PC: variants seen among roughly 807,000 people sequenced by gnomAD.
PC encodes the protein pyruvate carboxylase, mitochondrial.
PC carries 46 observed loss-of-function variants against 107.8 expected under a neutral mutation model. That is an observed-to-expected ratio of 0.43 (90% CI 0.34 to 0.55). The LOEUF (loss-of-function observed/expected upper bound fraction) is 0.55, where lower values mean the gene tolerates loss of function less well. PC is among the 20% of genes least tolerant of loss of function. The pLI is 0.04. For synonymous variants in PC, 662 were observed against 684.7 expected (o/e 0.97, Z 0.52); for missense variants, 1,241 against 1,643.1 (o/e 0.76, Z 4.23).
intron 12 of PC, chr11:66,860,242 C>A: frequency 6.5e-7 from 1 of 1,538,218 alleles, no homozygotes; most frequent in Non-Finnish European, 8.7e-7. Flanking sequence ...CCTCGTGGGG[C>A]AGAGGGCCCG....
chr11:66,931,705 G>C (rs1430810900), intron 3 of PC, among the ~76,000 whole-genome samples: 1 of 152,142 alleles, frequency 6.6e-6, no homozygotes, highest in East Asian at 1.9e-4. Flanking sequence ...AAAGGGCACA[G>C]GAGAAACAAA....
rs1463635085 is a variant in PC, at chr11:66,954,303, T to C, written c.-94A>G. On this transcript the variant is annotated 5_prime_UTR_variant, in exon 2 of 23. Transcript: ENST00000393960. ...ACAGGTGGAATCATATTAGAGAGTC[T>C]TGAACGCCAAGATGAAGCAAGCTTT... 6.6e-6 allele frequency: 1 copy of C among 152,196 alleles called. No individual in the cohort carries two copies. The highest frequency in any genetic ancestry group is 2.4e-5 in the African/African-American group (1 of 41,428). 9.4% of individuals were successfully genotyped at this position (152,196 alleles called of 1,614,324 possible). A position where few individuals can be genotyped will look rare whatever the true frequency, so the allele number is the denominator to read the frequency against.
rs114688440 is a variant in PC, at chr11:66,893,753, A to G, written c.1-21594T>C. Among the ~76,000 whole-genome samples the G allele has an allele frequency of 9.1e-3, 1,388 of 152,018 alleles. 26 individuals carry two copies. Among genetic ancestry groups the G allele is most frequent in the African/African-American group, 0.031 (1,284 of 41,386 alleles). On this transcript the variant is annotated intron_variant, in intron 3 of 22. Transcript: ENST00000393960. ...AATCACGCTTTTTGGTGGACATGGC[A>G]AATGCCTATTCTATAGCAGAACTTA...
At chr11:66,955,829 G>A (rs545007304) in intron 1 of PC, among the ~76,000 whole-genome samples, 3 of 151,700 alleles carry the variant, frequency 2.0e-5, no homozygotes, top group South Asian at 4.2e-4. Flanking sequence ...CTGGAGTGCA[G>A]GGGCGTGATC....
chr11:66,954,851 G>C (rs1441075959), intron 1 of PC, among the ~76,000 whole-genome samples: 1 of 152,038 alleles, frequency 6.6e-6, no homozygotes, highest in South Asian at 2.1e-4. Flanking sequence ...GCTGAGGCAG[G>C]AGAATCACTT....
Position 66,866,628 on chromosome 11 carries a change from G to A in PC, c.1023-279C>T, listed in dbSNP as rs1307693145. Reference sequence around the variant, plus strand: ...ACCTGCTCCTGCATTCCTGACTCACGGTGCCGTCCACACAGCCCTAAGCTG... The same window carrying A: ...ACCTGCTCCTGCATTCCTGACTCACAGTGCCGTCCACACAGCCCTAAGCTG... On this transcript the variant is annotated intron_variant, in intron 10 of 22. Coordinates refer to ENST00000393960, the MANE Select transcript of PC (RefSeq NM_001040716.2). The surrounding 1 kb of genome is among the most constrained non-coding windows in gnomAD (Gnocchi z 5.4). Among the ~76,000 whole-genome samples the A allele has an allele frequency of 2.6e-5, 4 of 152,226 alleles. No homozygotes were observed. The highest frequency in any genetic ancestry group is 6.5e-5 in the Admixed American group (1 of 15,296).
Position 66,857,427 on chromosome 11 carries a change from G to A in PC, c.1369-4044C>T, listed in dbSNP as rs1019967358. The A allele has an allele frequency of 3.2e-6, 1 of 312,752 alleles. No homozygotes were observed. The highest frequency in any genetic ancestry group is 5.8e-6 in the Non-Finnish European group (1 of 170,996). The allele number at this position is 312,752 out of a possible 1,614,324, so 19.4% of individuals were successfully genotyped here. On this transcript the variant is annotated intron_variant, in intron 12 of 22. Coordinates refer to ENST00000393960, the MANE Select transcript of PC (RefSeq NM_001040716.2). This position sits in a 1 kb window ranked among gnomAD's most constrained non-coding sequence, Gnocchi z 7.1. ...AGTGGGGAGGCGGCTGGCGATTCCT[G>A]GGGACGCCTGGGAAAGGAAGTTCCG...
At chr11:66,927,320 A>G (rs1254456161) in intron 3 of PC, among the ~76,000 whole-genome samples, 1 of 149,986 alleles carries the variant, frequency 6.7e-6, no homozygotes, top group Admixed American at 6.8e-5. Context: ...TCCCAGCCAC[A>G]CCAGTGTACT....
intron 3 of PC, among the ~76,000 whole-genome samples, chr11:66,880,050 G>A (rs925795417): frequency 1.1e-4 from 16 of 152,138 alleles, no homozygotes; most frequent in Admixed American, 6.5e-5. Flanking sequence ...TGCCAGGCAC[G>A]GATGGGGCCC....
Position 66,858,124 on chromosome 11 carries a change from T to G in PC, c.1369-4741A>C. On this transcript the variant is annotated intron_variant, in intron 12 of 22. Transcript: ENST00000393960. This position sits in a 1 kb window ranked among gnomAD's most constrained non-coding sequence, Gnocchi z 5.9. ...CCCGTCAATCTGCAGCACCTCATCC[T>G]CAGCGGCAACCAGCTGGGCCGCATC... 6.2e-7 allele frequency: 1 copy of G among 1,610,738 alleles called. No homozygotes were observed. Among genetic ancestry groups the G allele is most frequent in the Non-Finnish European group, 8.5e-7 (1 of 1,178,868 alleles).
intron 3 of PC, among the ~76,000 whole-genome samples, chr11:66,910,179 C>T (rs1948294193): frequency 6.6e-6 from 1 of 152,270 alleles, no homozygotes; most frequent in African/African-American, 2.4e-5. Flanking sequence ...ACGAGTCGCT[C>T]ACATGCTCAA....
chr11:66,893,388 C>T (rs910972106), intron 3 of PC, among the ~76,000 whole-genome samples: 1 of 152,132 alleles, frequency 6.6e-6, no homozygotes, highest in African/African-American at 2.4e-5. Context: ...AGTCGCTTCT[C>T]CACTCTCCCT....
At chr11:66,876,327 G>A (rs935004020) in intron 3 of PC, among the ~76,000 whole-genome samples, 1 of 152,212 alleles carries the variant, frequency 6.6e-6, no homozygotes, top group African/African-American at 2.4e-5. Context: ...CCACTCACAT[G>A]GTTCAGGGAA....
intron 12 of PC, among the ~76,000 whole-genome samples, chr11:66,855,614 G>A (rs1945759474): frequency 6.6e-6 from 1 of 152,140 alleles, no homozygotes; most frequent in Non-Finnish European, 1.5e-5. Flanking sequence ...CATTTTTGAT[G>A]GGGAGAAGAG....
At chr11:66,861,859 C>T (rs1364589747) in intron 12 of PC, among the ~76,000 whole-genome samples, 2 of 152,136 alleles carry the variant, frequency 1.3e-5, no homozygotes, top group East Asian at 1.9e-4. Context: ...GGGCGGGGGA[C>T]GGTCTAAAGA....
chr11:66,852,385 G>A lies in PC; in HGVS notation c.1825+54C>T, dbSNP rs1945552094. 1.8e-5 allele frequency: 25 copies of A among 1,408,716 alleles called. No homozygotes were observed. The highest frequency in any genetic ancestry group is 3.3e-5 in the Admixed American group (2 of 59,714). 87.3% of individuals were successfully genotyped at this position (1,408,716 alleles called of 1,614,324 possible). The stretch of plus-strand genomic sequence containing the variant: ...CCCAGTGGCCTAAGCCTGTGGGACT[G>A]GCCACAGAGCGGGCGCCCATTCCTA... On this transcript the variant is annotated intron_variant, in intron 15 of 22. Coordinates refer to ENST00000393960, the MANE Select transcript of PC (RefSeq NM_001040716.2). The surrounding 1 kb of genome is among the most constrained non-coding windows in gnomAD (Gnocchi z 4.7).
intron 3 of PC, among the ~76,000 whole-genome samples, chr11:66,896,196 A>T (rs1384095297): frequency 6.6e-6 from 1 of 152,088 alleles, no homozygotes; most frequent in Non-Finnish European, 1.5e-5. Context: ...CCTCTGCCTC[A>T]GCCTCTCGAG....
chr11:66,896,788 T>C (rs1947774386), intron 3 of PC, among the ~76,000 whole-genome samples: 1 of 152,196 alleles, frequency 6.6e-6, no homozygotes, highest in Admixed American at 6.5e-5. Flanking sequence ...AAAATCTGCC[T>C]AGATGAGAAG....
At position 66,870,568 on chromosome 11, in the gene PC, G is replaced by A. The variant is rs1946685692; in HGVS notation, c.752-115C>T. 1 of 1,288,952 alleles carries A rather than the reference G, an allele frequency of 7.8e-7. No individual in the cohort carries two copies. Among genetic ancestry groups the A allele is most frequent in the East Asian group, 2.4e-5 (1 of 41,810 alleles). The allele number at this position is 1,288,952 out of a possible 1,614,324, so 79.8% of individuals were successfully genotyped here. On this transcript the variant is annotated intron_variant, in intron 8 of 22. Coordinates refer to ENST00000393960, the MANE Select transcript of PC (RefSeq NM_001040716.2). This position sits in a 1 kb window ranked among gnomAD's most constrained non-coding sequence, Gnocchi z 6.1. ...GTCAGTGCCGGCTGCCAGCGGTACA[G>A]AGGCTGCCAGGAGAGACACCAGCAT...
Sources: gnomAD v4.1 joint callset for allele counts (sites outside exome capture counted in the v4.1 genomes callset) on GRCh38, gnomAD v4.1.1 for gene constraint, Gnocchi (gnomAD v3.1) non-coding constraint, MANE v1.5 for transcripts, NCBI Gene and HGNC (gene_info 2026-07-23, HGNC 2026-07-21) for gene names.